Variants in WNT7B observed in about 807,000 individuals in gnomAD.
WNT7B encodes Wnt family member 7B.
Under a neutral mutation model 38.2 loss-of-function variants are expected in WNT7B, and 19 were observed. That is an observed-to-expected ratio of 0.50 (90% CI 0.35 to 0.73). The LOEUF is 0.73. Ranked by LOEUF, WNT7B falls within the 30% of genes least tolerant of loss-of-function variation. The pLI is 0.01. For missense variants in WNT7B, 423 were observed against 507.9 expected (o/e 0.83, Z 1.61); for synonymous variants, 243 against 209.3 (o/e 1.16, Z -1.39).
intron 2 of WNT7B, among the ~76,000 whole-genome samples, chr22:45,938,730 ATGT>A (rs1301406274): frequency 6.6e-6 from 1 of 152,168 alleles, no homozygotes; most frequent in East Asian, 1.9e-4. Flanking sequence ...TAAGAACAAC[ATGT>A]TGTGTATTTC....
intron 2 of WNT7B, among the ~76,000 whole-genome samples, chr22:45,942,444 G>A (rs1051557029): frequency 6.6e-6 from 1 of 152,250 alleles, no homozygotes; most frequent in East Asian, 1.9e-4. Flanking sequence ...TCAGGCTGGG[G>A]ACATCGGGGT....
chr22:45,956,824 C>T (rs975889683), intron 1 of WNT7B, among the ~76,000 whole-genome samples: 22 of 152,080 alleles, frequency 1.4e-4, no homozygotes, highest in African/African-American at 5.3e-4. Context: ...CTGAAAATCC[C>T]CGGCCAGGCG....
Position 45,920,382 on chromosome 22 carries a change from T to G in WNT7B, c.*2474A>C, listed in dbSNP as rs1051760304. ...CACACTCACTTTTCCGATTCCAGCT[T>G]TTATTGGGCCGAGCACTCCCCTCCA... On this transcript the variant is annotated 3_prime_UTR_variant, in exon 4 of 4. Coordinates refer to ENST00000339464, the MANE Select transcript of WNT7B (RefSeq NM_058238.3). 1.3e-5 allele frequency: 2 copies of G among 151,982 alleles called. No homozygotes were observed. Among genetic ancestry groups the G allele is most frequent in the Non-Finnish European group, 2.9e-5 (2 of 68,046 alleles). The allele number at this position is 151,982 out of a possible 1,614,324, so 9.4% of individuals were successfully genotyped here. A position where few individuals can be genotyped will look rare whatever the true frequency, so the allele number is the denominator to read the frequency against.
chr22:45,947,034 A>G (rs1014360946), intron 2 of WNT7B, among the ~76,000 whole-genome samples: 1 of 152,140 alleles, frequency 6.6e-6, no homozygotes, highest in African/African-American at 2.4e-5. Context: ...CTCCCAGCCC[A>G]TGCCAGGGCA....
chr22:45,968,983 C>A (rs906502301), intron 1 of WNT7B, among the ~76,000 whole-genome samples: 1 of 152,234 alleles, frequency 6.6e-6, no homozygotes, highest in Admixed American at 6.5e-5. Context: ...ACCCTCCAGG[C>A]TGGGAGTTGC....
At chr22:45,927,827 C>G (rs1931139168) in intron 3 of WNT7B, among the ~76,000 whole-genome samples, 1 of 152,190 alleles carries the variant, frequency 6.6e-6, no homozygotes, top group Non-Finnish European at 1.5e-5. Flanking sequence ...ACCCGGAAGG[C>G]AGAGGTTGCG....
At position 45,941,280 on chromosome 22, in the gene WNT7B, C is replaced by T. The variant is rs77656624; in HGVS notation, c.298+8640G>A. 2.4e-4 allele frequency among the ~76,000 whole-genome samples: 36 copies of T among 152,218 alleles called. No homozygotes were observed. The East Asian group carries it at 2.5e-3, about 11-fold the overall frequency. ...ATCCCGGCACCTTGGGAGGCTAAGG[C>T]GGGCGGATCACCTGAGATCAGGGGT... On this transcript the variant is annotated intron_variant, in intron 2 of 3. Coordinates refer to ENST00000339464, the MANE Select transcript of WNT7B (RefSeq NM_058238.3).
At position 45,973,927 on chromosome 22, in the gene WNT7B, G is replaced by A. The variant is rs180720236; in HGVS notation, c.71+2757C>T. ...TAATTAAACACAGGCAGCATGCAGG[G>A]AAGTGATCACGTAATACCCCATCCA... On this transcript the variant is annotated intron_variant, in intron 1 of 3. Transcript: ENST00000339464. 7.9e-5 allele frequency among the ~76,000 whole-genome samples: 12 copies of A among 152,258 alleles called. No individual in the cohort carries two copies. In the East Asian group the frequency reaches 2.3e-3, roughly 29 times the overall value.
intron 2 of WNT7B, among the ~76,000 whole-genome samples, chr22:45,942,855 CTGTGTG>C (rs71190685): frequency 7.9e-5 from 12 of 151,078 alleles, no homozygotes; most frequent in African/African-American, 2.9e-4. Context: ...TGAGTGGGTG[CTGTGTG>C]TGTGTGTGTG....
rs746758787 is a variant in WNT7B at position 45,923,338 on chromosome 22, G to A, written c.571-3C>T. On this transcript the variant is annotated splice_region_variant and splice_polypyrimidine_tract_variant and intron_variant, in intron 3 of 3. Coordinates refer to ENST00000339464, the MANE Select transcript of WNT7B (RefSeq NM_058238.3). ...AGCTGCATCCGGTCCTCTAGAACCT[G>A]CGGGTGACAGGGAAGCTGCTCGGCA... The A allele has an allele frequency of 1.1e-5, 17 of 1,594,340 alleles. No homozygotes were observed. In the South Asian group the frequency reaches 1.5e-4, roughly 14 times the overall value.
intron 2 of WNT7B, among the ~76,000 whole-genome samples, chr22:45,942,805 C>A (rs771328493): frequency 1.3e-5 from 2 of 152,212 alleles, no homozygotes; most frequent in Non-Finnish European, 2.9e-5. Context: ...TCCAAGCAGG[C>A]CTGGACCCTG....
chr22:45,934,854 C>T (rs138864339), intron 2 of WNT7B, among the ~76,000 whole-genome samples: 3 of 152,352 alleles, frequency 2.0e-5, no homozygotes, highest in Non-Finnish European at 2.9e-5. Flanking sequence ...AGGTGAGCTG[C>T]AGAGAGTCAT....
At position 45,939,632 on chromosome 22, in the gene WNT7B, A is replaced by AACACACCACACACACAC. The variant is rs1931593926; in HGVS notation, c.299-8264_299-8263insGTGTGTGTGTGGTGTGT. ...AACATGGCAAAACCCTGTCTCTACA[A>AACACACCACACACACAC]ACACACACACACACACTCACACACA... On this transcript the variant is annotated intron_variant, in intron 2 of 3. Coordinates refer to ENST00000339464, the MANE Select transcript of WNT7B (RefSeq NM_058238.3). 2.1e-5 allele frequency among the ~76,000 whole-genome samples: 3 copies of AACACACCACACACACAC among 144,884 alleles called. No individual in the cohort carries two copies. The East Asian group carries it at 6.3e-4, about 30-fold the overall frequency.
intron 1 of WNT7B, chr22:45,972,384 G>C: frequency 3.2e-6 from 1 of 314,822 alleles, no homozygotes; most frequent in Non-Finnish European, 5.8e-6. Context: ...GGGCGCAGTT[G>C]TCGCCCGTGC....
chr22:45,935,026 C>T (rs1849093477), intron 2 of WNT7B, among the ~76,000 whole-genome samples: 1 of 152,202 alleles, frequency 6.6e-6, no homozygotes, highest in Admixed American at 6.5e-5. Flanking sequence ...ACCTAGACGC[C>T]CACTCCGAGG....
In WNT7B at chr22:45,922,447, G is replaced by A. The variant is rs1204112381; in HGVS notation, c.*409C>T. 4.7e-5 allele frequency: 9 copies of A among 193,174 alleles called. No individual in the cohort carries two copies. Among genetic ancestry groups the A allele is most frequent in the South Asian group, 1.4e-4 (1 of 6,938 alleles). The allele number at this position is 193,174 out of a possible 1,614,324, so 12.0% of individuals were successfully genotyped here. ...GGGAACTGGTCTGGAGAGGCCAGCC[G>A]GCGTAGCTTTTCTGTGTCCATGCCG... On this transcript the variant is annotated 3_prime_UTR_variant, in exon 4 of 4. Coordinates refer to ENST00000339464, the MANE Select transcript of WNT7B (RefSeq NM_058238.3).
chr22:45,958,249 GC>G (rs1305192336), intron 1 of WNT7B, among the ~76,000 whole-genome samples: 1 of 152,232 alleles, frequency 6.6e-6, no homozygotes, highest in Non-Finnish European at 1.5e-5. Context: ...CTCTGCCAAG[GC>G]CCAGCCTGGG....
At chr22:45,956,812 T>C (rs1932073171) in intron 1 of WNT7B, among the ~76,000 whole-genome samples, 1 of 152,156 alleles carries the variant, frequency 6.6e-6, no homozygotes, top group Non-Finnish European at 1.5e-5. Flanking sequence ...ATTCCACCAC[T>C]TCTGAAAATC....
intron 2 of WNT7B, among the ~76,000 whole-genome samples, chr22:45,931,703 G>C (rs192566413): frequency 6.6e-6 from 1 of 152,322 alleles, no homozygotes; most frequent in African/African-American, 2.4e-5. Flanking sequence ...GGGCAGGAGA[G>C]GCCCAGTTTC....
Sources: gnomAD v4.1 joint callset for allele counts (sites outside exome capture counted in the v4.1 genomes callset) on GRCh38, gnomAD v4.1.1 for gene constraint, MANE v1.5 for transcripts, NCBI Gene and HGNC (gene_info 2026-07-23, HGNC 2026-07-21) for gene names.